Variants in DSCAM observed in about 807,000 individuals in gnomAD.
DSCAM encodes the protein DS cell adhesion molecule, also known as cell adhesion molecule DSCAM.
A neutral mutation model predicts 217.7 loss-of-function variants in DSCAM; 47 were observed. That is an observed-to-expected ratio of 0.22 (90% CI 0.17 to 0.28). The LOEUF is 0.28. Ranked by LOEUF, DSCAM falls within the 10% of genes least tolerant of loss-of-function variation. The probability of loss-of-function intolerance (pLI) is 1.00; values close to 1 mark genes in which losing one functional copy is unlikely to be tolerated. For synonymous variants in DSCAM, 1,056 were observed against 1,015.3 expected (o/e 1.04, Z -0.76); for missense variants, 2,080 against 2,618.3 (o/e 0.79, Z 4.49).
At chr21:40,270,650 G>T (rs2073603178) in intron 11 of DSCAM, among the ~76,000 whole-genome samples, 1 of 152,164 alleles carries the variant, frequency 6.6e-6, no homozygotes, top group South Asian at 2.1e-4. Context: ...TGGAAGAGGG[G>T]CTTGGTGGGA....
At position 40,599,697 on chromosome 21, in the gene DSCAM, AATAG is replaced by A. The variant is rs1180373532; in HGVS notation, c.508+93109_508+93112del. ...GCTGGTTTTTTGAAAATGTTAACAA[AATAG>A]ATAGATTGCTAGATAGACTAGTAAA... On this transcript the variant is annotated intron_variant, in intron 3 of 32. Coordinates refer to ENST00000400454, the MANE Select transcript of DSCAM (RefSeq NM_001389.5). Among the ~76,000 whole-genome samples, 4 of 152,188 alleles carry A rather than the reference AATAG, an allele frequency of 2.6e-5. No homozygotes were observed. In the South Asian group the frequency reaches 6.2e-4, roughly 24 times the overall value.
At chr21:40,561,474 T>C (rs2076720109) in intron 3 of DSCAM, among the ~76,000 whole-genome samples, 1 of 152,232 alleles carries the variant, frequency 6.6e-6, no homozygotes, top group Admixed American at 6.5e-5. Context: ...TCCCCTAACT[T>C]TGTTTTCATG....
At chr21:40,426,187 G>C (rs148239637) in intron 3 of DSCAM, among the ~76,000 whole-genome samples, 36 of 152,262 alleles carry the variant, frequency 2.4e-4, no homozygotes, top group African/African-American at 8.2e-4. Context: ...TGTGCCCTGG[G>C]GCTAGCTAAG....
intron 3 of DSCAM, among the ~76,000 whole-genome samples, chr21:40,373,914 T>C (rs1254358450): frequency 6.6e-6 from 1 of 152,218 alleles, no homozygotes; most frequent in Non-Finnish European, 1.5e-5. Context: ...TGATGAGTAA[T>C]CTCTTTGTTC....
chr21:40,070,095 G>C (rs755077101), intron 27 of DSCAM, among the ~76,000 whole-genome samples: 10 of 152,038 alleles, frequency 6.6e-5, no homozygotes, highest in Non-Finnish European at 1.0e-4. Context: ...CAGATGCAGA[G>C]AGCCTTTTCT....
chr21:40,223,847 T>C (rs533888729), intron 11 of DSCAM, among the ~76,000 whole-genome samples: 56 of 152,304 alleles, frequency 3.7e-4, no homozygotes, highest in Non-Finnish European at 2.6e-4. Context: ...TGCTCAAAAA[T>C]GCCCTCTCAT....
chr21:40,553,458 GT>G lies in DSCAM; in HGVS notation c.508+139351del, dbSNP rs555303834. 1.8e-3 allele frequency among the ~76,000 whole-genome samples: 267 copies of G among 152,350 alleles called. 1 individual carries two copies. The highest frequency in any genetic ancestry group is 6.0e-3 in the African/African-American group (250 of 41,590). ...TGATGCAAGGTTTCAGGAGGTATCA[GT>G]TATTTGTGTACAGGACACATCCCAA... is the stretch of plus-strand genomic sequence containing the variant. On this transcript the variant is annotated intron_variant, in intron 3 of 32. Transcript: ENST00000400454.
intron 32 of DSCAM, among the ~76,000 whole-genome samples, chr21:40,033,026 T>C (rs1037253707): frequency 1.3e-5 from 2 of 152,166 alleles, no homozygotes; most frequent in Non-Finnish European, 2.9e-5. Context: ...CCCCCAGAAA[T>C]GCATTTCATT....
intron 18 of DSCAM, among the ~76,000 whole-genome samples, chr21:40,134,842 T>C (rs906874230): frequency 6.6e-6 from 1 of 152,214 alleles, no homozygotes; most frequent in African/African-American, 2.4e-5. Context: ...ACACCTGAGC[T>C]AAACTGAGTG....
At chr21:40,329,577 GCACTCCA>G (rs1166186382) in intron 8 of DSCAM, among the ~76,000 whole-genome samples, 1 of 151,234 alleles carries the variant, frequency 6.6e-6, no homozygotes, top group Non-Finnish European at 1.5e-5. Flanking sequence ...TCGCGCCACT[GCACTCCA>G]GCCTGGCCAC....
At chr21:40,330,749 T>C (rs1378640044) in intron 8 of DSCAM, among the ~76,000 whole-genome samples, 1 of 152,116 alleles carries the variant, frequency 6.6e-6, no homozygotes, top group Non-Finnish European at 1.5e-5. Context: ...CTTGCGTCAT[T>C]TAAAAAGGGA....
intron 6 of DSCAM, among the ~76,000 whole-genome samples, chr21:40,340,647 T>C (rs1384820924): frequency 6.6e-6 from 1 of 152,208 alleles, no homozygotes; most frequent in Non-Finnish European, 1.5e-5. Flanking sequence ...AATTTTTGTG[T>C]TCAATTAAAG....
At position 40,324,130 on chromosome 21, in the gene DSCAM, A is replaced by G. The variant is rs866664548; in HGVS notation, c.1784-11771T>C. ...AAAAAAAAAAAAAAAAAAAAAAAAA[A>G]AGAAAAAAAAAAGAGAGAGAGAGAA... On this transcript the variant is annotated intron_variant, in intron 8 of 32. Coordinates refer to ENST00000400454, the MANE Select transcript of DSCAM (RefSeq NM_001389.5). 2.2e-4 allele frequency among the ~76,000 whole-genome samples: 27 copies of G among 122,008 alleles called. No individual in the cohort carries two copies. The East Asian group carries it at 2.3e-3, about 10-fold the overall frequency. The allele number at this position is 122,008 out of a possible 152,430, so 80.0% of individuals were successfully genotyped here. A position where few individuals can be genotyped will look rare whatever the true frequency, so the allele number is the denominator to read the frequency against.
intron 3 of DSCAM, among the ~76,000 whole-genome samples, chr21:40,536,799 G>T (rs1356454284): frequency 6.6e-6 from 1 of 152,092 alleles, no homozygotes; most frequent in Non-Finnish European, 1.5e-5. Flanking sequence ...TACAGTTTTG[G>T]GATGCGTAAA....
At chr21:40,734,809 CTTGT>C (rs2091047182) in intron 1 of DSCAM, among the ~76,000 whole-genome samples, 1 of 152,158 alleles carries the variant, frequency 6.6e-6, no homozygotes, top group African/African-American at 2.4e-5. Context: ...TGTTTTCCTG[CTTGT>C]TTAATACGTG....
chr21:40,555,905 G>A (rs1266326700), intron 3 of DSCAM, among the ~76,000 whole-genome samples: 1 of 152,118 alleles, frequency 6.6e-6, no homozygotes, highest in Non-Finnish European at 1.5e-5. Flanking sequence ...CCAAAGTGCT[G>A]GGATTACAGG....
At chr21:40,378,532 C>A (rs2074985954) in intron 3 of DSCAM, among the ~76,000 whole-genome samples, 1 of 144,034 alleles carries the variant, frequency 6.9e-6, no homozygotes, top group Admixed American at 7.0e-5. Context: ...TGCACGGATG[C>A]ATAATTTAAC....
At chr21:40,776,129 T>C (rs2091486209) in intron 1 of DSCAM, among the ~76,000 whole-genome samples, 1 of 152,194 alleles carries the variant, frequency 6.6e-6, no homozygotes, top group Non-Finnish European at 1.5e-5. Context: ...TTGTGTAAAG[T>C]GGCCTATCAT....
intron 20 of DSCAM, among the ~76,000 whole-genome samples, chr21:40,104,337 A>C (rs143815413): frequency 1.3e-5 from 2 of 152,346 alleles, no homozygotes; most frequent in African/African-American, 4.8e-5. Flanking sequence ...CAGAATTTAC[A>C]AAATTGAAAA....
Sources: gnomAD v4.1 joint callset for allele counts (sites outside exome capture counted in the v4.1 genomes callset) on GRCh38, gnomAD v4.1.1 for gene constraint, MANE v1.5 for transcripts, NCBI Gene and HGNC (gene_info 2026-07-23, HGNC 2026-07-21) for gene names.